Variants in TAFA1 observed in about 807,000 individuals in gnomAD.
TAFA1 encodes the protein chemokine-like protein TAFA-1.
Under a neutral mutation model 18.5 loss-of-function variants are expected in TAFA1, and 4 were observed. That is an observed-to-expected ratio of 0.22 (90% confidence interval 0.11 to 0.49). The LOEUF (loss-of-function observed/expected upper bound fraction) is 0.49. Ranked by LOEUF, TAFA1 falls within the 20% of genes least tolerant of loss-of-function variation. TAFA1 has a pLI of 0.98. For missense variants in TAFA1, 147 were observed against 169.0 expected, an observed-to-expected ratio of 0.87 and a Z score of 0.72; for synonymous variants, 56 against 55.2, an observed-to-expected ratio of 1.01 and a Z score of -0.06.
intron 2 of TAFA1, among the ~76,000 whole-genome samples, chr3:68,213,126 A>T (rs889977362): frequency 6.6e-6 from 1 of 151,894 alleles, no homozygotes; most frequent in Non-Finnish European, 1.5e-5. Context: ...ATTCTGTTGG[A>T]TGATATAATC....
the TAFA1 span, among the ~76,000 whole-genome samples, chr3:67,995,046 GA>G: frequency 1.3e-5 from 2 of 150,272 alleles, no homozygotes; most frequent in Admixed American, 1.3e-4. Context: ...ATATGAACTA[GA>G]AAAAAAAACA....
chr3:68,016,269 T>C (rs1704568089), intron 2 of TAFA1, among the ~76,000 whole-genome samples: 3 of 152,220 alleles, frequency 2.0e-5, no homozygotes, highest in Admixed American at 2.0e-4. Context: ...TGTATAGTCA[T>C]GTGCTGCATA....
chr3:68,209,861 GA>G (rs1268052103), intron 2 of TAFA1, among the ~76,000 whole-genome samples: 4 of 151,884 alleles, frequency 2.6e-5, no homozygotes, highest in Non-Finnish European at 4.4e-5. Context: ...GTCTCAGATT[GA>G]AAATCAAAAA....
intron 3 of TAFA1, among the ~76,000 whole-genome samples, chr3:68,459,086 A>C (rs1354257451): frequency 6.6e-6 from 1 of 152,152 alleles, no homozygotes; most frequent in Non-Finnish European, 1.5e-5. Flanking sequence ...GCAAAGAAGC[A>C]GCCATTCTAT....
chr3:68,476,976 G>A (rs1289156672), intron 3 of TAFA1, among the ~76,000 whole-genome samples: 3 of 152,150 alleles, frequency 2.0e-5, no homozygotes, highest in African/African-American at 4.8e-5. Context: ...CCAGCACTCA[G>A]ATGAAGAAAC....
intron 2 of TAFA1, among the ~76,000 whole-genome samples, chr3:68,172,042 T>C (rs2066061033): frequency 6.6e-6 from 1 of 152,110 alleles, no homozygotes. Flanking sequence ...GAAAGAAATT[T>C]GAAGAAATAA....
rs67968765 is a variant in TAFA1 at position 68,121,249 on chromosome 3, A to ATGTGTGTG, written c.118+114539_118+114546dup. On this transcript the variant is annotated intron_variant, in intron 2 of 4. Coordinates refer to ENST00000478136, the MANE Select transcript of TAFA1 (RefSeq NM_213609.4). The stretch of plus-strand genomic sequence containing the variant: ...ATTTAGACTTCTCAAATGTACATTA[A>ATGTGTGTG]TGTGTGTGTGTGTGTGTGTGTGTGT... Among the ~76,000 whole-genome samples, 686 of 148,052 alleles carry ATGTGTGTG rather than the reference A, an allele frequency of 4.6e-3. 3 individuals carry two copies. Among genetic ancestry groups the ATGTGTGTG allele is most frequent in the African/African-American group, 0.015 (591 of 39,958 alleles).
intron 2 of TAFA1, among the ~76,000 whole-genome samples, chr3:68,364,289 G>A (rs1289642934): frequency 6.6e-6 from 1 of 152,144 alleles, no homozygotes; most frequent in African/African-American, 2.4e-5. Context: ...GCTTCCCAGG[G>A]ACAGGCCAGA....
intron 3 of TAFA1, among the ~76,000 whole-genome samples, chr3:68,419,073 C>G (rs1053516053): frequency 6.6e-6 from 1 of 152,026 alleles, no homozygotes; most frequent in Non-Finnish European, 1.5e-5. Flanking sequence ...GCCTCGTGAA[C>G]CTCTCAAAAA....
chr3:68,005,868 C>CA (rs1704348597), intron 1 of TAFA1, among the ~76,000 whole-genome samples: 1 of 152,162 alleles, frequency 6.6e-6, no homozygotes, highest in Non-Finnish European at 1.5e-5. Context: ...ATAAGACTGT[C>CA]AAAGTTTCAG....
chr3:68,038,452 G>A (rs920577262), intron 2 of TAFA1, among the ~76,000 whole-genome samples: 1 of 152,100 alleles, frequency 6.6e-6, no homozygotes, highest in Non-Finnish European at 1.5e-5. Flanking sequence ...TTCTTTCCTG[G>A]ACAGTAAGCT....
chr3:68,164,864 C>A (rs1289533478), intron 2 of TAFA1, among the ~76,000 whole-genome samples: 1 of 152,100 alleles, frequency 6.6e-6, no homozygotes, highest in African/African-American at 2.4e-5. Context: ...CTCTGCATAT[C>A]CTCTGAGATG....
chr3:68,193,278 T>C (rs2066371131), intron 2 of TAFA1, among the ~76,000 whole-genome samples: 1 of 151,774 alleles, frequency 6.6e-6, no homozygotes, highest in African/African-American at 2.4e-5. Flanking sequence ...TTTCTACTAT[T>C]CAAACATGGA....
At chr3:67,997,113 C>T in the TAFA1 span, among the ~76,000 whole-genome samples, 1 of 152,106 alleles carries the variant, frequency 6.6e-6, no homozygotes, top group South Asian at 2.1e-4. Flanking sequence ...AAATGAAAGA[C>T]AGAGCAAGGA....
intron 2 of TAFA1, among the ~76,000 whole-genome samples, chr3:68,046,269 A>G (rs188835567): frequency 1.3e-3 from 198 of 152,278 alleles, no homozygotes; most frequent in African/African-American, 4.3e-3. Flanking sequence ...ATTGCTGCCT[A>G]TATTGATAAG....
intron 3 of TAFA1, among the ~76,000 whole-genome samples, chr3:68,492,836 A>G (rs1443372151): frequency 1.3e-5 from 2 of 152,176 alleles, no homozygotes; most frequent in African/African-American, 4.8e-5. Context: ...GCACTTGATT[A>G]AGCCATGTAA....
At chr3:68,258,032 G>T (rs1288078322) in intron 2 of TAFA1, among the ~76,000 whole-genome samples, 2 of 152,168 alleles carry the variant, frequency 1.3e-5, no homozygotes, top group Non-Finnish European at 2.9e-5. Flanking sequence ...CATAGATTAG[G>T]AGGAGGCTAA....
intron 2 of TAFA1, among the ~76,000 whole-genome samples, chr3:68,161,239 G>T (rs2065922318): frequency 6.6e-6 from 1 of 152,188 alleles, no homozygotes; most frequent in Non-Finnish European, 1.5e-5. Flanking sequence ...TATGATTAGG[G>T]ATACTCACTA....
At position 68,329,902 on chromosome 3, in the gene TAFA1, C is replaced by G. The variant is rs139678451; in HGVS notation, c.119-87378C>G. 5.4e-3 allele frequency among the ~76,000 whole-genome samples: 819 copies of G among 152,252 alleles called. 8 individuals carry two copies. Among genetic ancestry groups the G allele is most frequent in the Middle Eastern group, 0.014 (4 of 294 alleles). On this transcript the variant is annotated intron_variant, in intron 2 of 4. Coordinates refer to ENST00000478136, the MANE Select transcript of TAFA1 (RefSeq NM_213609.4). ...TCACCTGGTTCTGGGTTAAATTTTG[C>G]ATTAGTCTTGGTTTTTTAAGTTAAA...
Sources: allele counts gnomAD v4.1 joint callset (sites outside exome capture counted in the v4.1 genomes callset), GRCh38; gene constraint gnomAD v4.1.1; transcripts MANE v1.5; gene names NCBI Gene and HGNC (gene_info 2026-07-23, HGNC 2026-07-21).